SDK1: variants seen among roughly 807,000 people sequenced by gnomAD.
SDK1 encodes sidekick cell adhesion molecule 1.
A neutral mutation model predicts 245.5 loss-of-function variants in SDK1; 157 were observed. That is an observed-to-expected ratio of 0.64 (90% confidence interval 0.56 to 0.73). SDK1 has a LOEUF of 0.73. SDK1 is among the 30% of genes least tolerant of loss of function. The pLI is 0.00. For synonymous variants in SDK1, 1,647 were observed against 1,278.5 expected (o/e 1.29, Z -6.15); for missense variants, 3,583 against 3,002.3 (o/e 1.19, Z -4.52).
chr7:3,971,613 G>T (rs1289150262), intron 12 of SDK1, 45 bp downstream of exon 12: 16 of 1,399,104 alleles, frequency 1.1e-5, no homozygotes, highest in Non-Finnish European at 1.6e-5. Flanking sequence ...TTGATATTCT[G>T]TGAGTTTCTG....
intron 4 of SDK1, among the ~76,000 whole-genome samples, chr7:3,785,763 G>A (rs1780882625): frequency 1.3e-5 from 2 of 152,160 alleles, no homozygotes; most frequent in Non-Finnish European, 2.9e-5. Context: ...GTGAGTGTGA[G>A]GAAAGAGGAG....
intron 4 of SDK1, among the ~76,000 whole-genome samples, chr7:3,682,710 T>C (rs1784143847): frequency 8.1e-6 from 1 of 124,176 alleles, no homozygotes; most frequent in Non-Finnish European, 1.7e-5. Context: ...AAATCAAGCG[T>C]TTGGATTTAC....
intron 1 of SDK1, among the ~76,000 whole-genome samples, chr7:3,335,011 C>A (rs903951766): frequency 2.0e-5 from 3 of 152,126 alleles, no homozygotes; most frequent in African/African-American, 7.2e-5. Context: ...CACCCTGAAT[C>A]CCATTAGTAA....
intron 1 of SDK1, among the ~76,000 whole-genome samples, chr7:3,577,412 T>G (rs962843618): frequency 6.6e-6 from 1 of 152,046 alleles, no homozygotes. Flanking sequence ...TGTCTGACCA[T>G]GCAGGTCTTC....
At chr7:3,786,835 C>T (rs1780917175) in intron 4 of SDK1, among the ~76,000 whole-genome samples, 1 of 152,078 alleles carries the variant, frequency 6.6e-6, no homozygotes, top group East Asian at 1.9e-4. Context: ...TACTGTACAG[C>T]TGGCACCCTA....
At chr7:4,100,290 G>C (rs542173267) in intron 22 of SDK1, among the ~76,000 whole-genome samples, 1 of 152,272 alleles carries the variant, frequency 6.6e-6, no homozygotes, top group South Asian at 2.1e-4. Flanking sequence ...CAGGGGCCAT[G>C]GGGGGCAGAC....
At chr7:3,705,306 C>G (rs921327240) in intron 4 of SDK1, among the ~76,000 whole-genome samples, 2 of 151,770 alleles carry the variant, frequency 1.3e-5, no homozygotes, top group African/African-American at 2.4e-5. Context: ...GATACTGATT[C>G]TTTCAATCCA....
At chr7:4,022,566 G>C (rs936300236) in intron 17 of SDK1, among the ~76,000 whole-genome samples, 2 of 152,142 alleles carry the variant, frequency 1.3e-5, no homozygotes, top group African/African-American at 4.8e-5. Flanking sequence ...GCCCTGGTTG[G>C]CACAAGCAGC....
At chr7:3,834,238 C>T (rs574021759) in intron 5 of SDK1, among the ~76,000 whole-genome samples, 37 of 152,314 alleles carry the variant, frequency 2.4e-4, no homozygotes, top group East Asian at 1.4e-3. Flanking sequence ...TCTGCTATTC[C>T]GCTCAGAAAA....
chr7:3,312,721 A>G lies in SDK1; in HGVS notation c.298+10837A>G, dbSNP rs75267277. ...AGTAATAAGGGATAAAGAAATGGAAAATGAGTGGTTACAATTCATGAACTT... is the reference window on the plus strand; with the variant it reads ...AGTAATAAGGGATAAAGAAATGGAAGATGAGTGGTTACAATTCATGAACTT... On this transcript the variant is annotated intron_variant, in intron 1 of 44. Transcript: ENST00000404826. Among the ~76,000 whole-genome samples the G allele has an allele frequency of 4.5e-4, 69 of 152,298 alleles. 1 individual carries two copies. The East Asian group carries it at 0.01, about 23-fold the overall frequency.
chr7:3,878,907 A>C (rs1781139151), intron 5 of SDK1, among the ~76,000 whole-genome samples: 1 of 152,220 alleles, frequency 6.6e-6, no homozygotes, highest in Non-Finnish European at 1.5e-5. Flanking sequence ...ACTATCACAA[A>C]GTAAAAGCCT....
chr7:3,773,385 T>A (rs1405937363), intron 4 of SDK1, among the ~76,000 whole-genome samples: 1 of 152,088 alleles, frequency 6.6e-6, no homozygotes, highest in Non-Finnish European at 1.5e-5. Flanking sequence ...TTCTTTTTGG[T>A]TTCTTTTTTG....
chr7:3,313,278 G>A (rs1297214762), intron 1 of SDK1, among the ~76,000 whole-genome samples: 1 of 152,154 alleles, frequency 6.6e-6, no homozygotes. Context: ...ACAGTGGCAT[G>A]CACCTGCAGT....
intron 44 of SDK1, among the ~76,000 whole-genome samples, chr7:4,261,904 G>C (rs966944647): frequency 1.3e-5 from 2 of 151,858 alleles, no homozygotes; most frequent in African/African-American, 4.8e-5. Context: ...GGACGCACAG[G>C]TGAGGGTCCC....
intron 35 of SDK1, among the ~76,000 whole-genome samples, chr7:4,186,856 C>T (rs1782927837): frequency 1.3e-5 from 2 of 152,170 alleles, no homozygotes; most frequent in Admixed American, 1.3e-4. Context: ...GGAAGGCGCC[C>T]CTCCTAGCCT....
intron 5 of SDK1, among the ~76,000 whole-genome samples, chr7:3,846,822 G>A (rs953268546): frequency 2.6e-5 from 4 of 151,960 alleles, no homozygotes; most frequent in Non-Finnish European, 5.9e-5. Flanking sequence ...CGCTACGAGG[G>A]GCAGCAGCAG....
intron 1 of SDK1, among the ~76,000 whole-genome samples, chr7:3,581,838 C>A (rs540261718): frequency 6.6e-6 from 1 of 152,202 alleles, no homozygotes; most frequent in Non-Finnish European, 1.5e-5. Context: ...GAGATTGTGT[C>A]CTTTGCAGGG....
intron 1 of SDK1, among the ~76,000 whole-genome samples, chr7:3,363,735 ATGC>A (rs1338947081): frequency 6.6e-6 from 1 of 152,180 alleles, no homozygotes; most frequent in Admixed American, 6.5e-5. Flanking sequence ...TGAGAATCTA[ATGC>A]TGCTGCTGAT....
chr7:3,795,846 TTGAC>T (rs1235211475), intron 4 of SDK1, among the ~76,000 whole-genome samples: 1 of 152,188 alleles, frequency 6.6e-6, no homozygotes, highest in Non-Finnish European at 1.5e-5. Flanking sequence ...ATCTGTGAAA[TTGAC>T]TGATTTTGCT....
Sources: allele counts gnomAD v4.1 joint callset (sites outside exome capture counted in the v4.1 genomes callset), GRCh38; gene constraint gnomAD v4.1.1; transcripts MANE v1.5; gene names NCBI Gene and HGNC (gene_info 2026-07-23, HGNC 2026-07-21).